Variants in BCL2 observed in about 807,000 individuals in gnomAD.
BCL2 encodes the protein BCL2 apoptosis regulator, also known as apoptosis regulator Bcl-2.
A neutral mutation model predicts 14.2 loss-of-function variants in BCL2; 1 was observed. The ratio of observed to expected loss-of-function variants is 0.07; its 90% CI spans 0.02 to 0.33. The LOEUF is 0.33. Among genes scored for constraint, BCL2 ranks in the 10% least tolerant of loss-of-function variants. BCL2 has a pLI of 0.99. For missense variants in BCL2, 247 were observed against 305.9 expected, an observed-to-expected ratio of 0.81 and a Z score of 1.44; for synonymous variants, 151 against 137.2, an observed-to-expected ratio of 1.10 and a Z score of -0.70.
intron 2 of BCL2, among the ~76,000 whole-genome samples, chr18:63,313,091 T>C (rs933067256): frequency 6.6e-6 from 1 of 152,136 alleles, no homozygotes; most frequent in Non-Finnish European, 1.5e-5. Context: ...CAAAATAACT[T>C]ATAGTTATTT....
intron 2 of BCL2, among the ~76,000 whole-genome samples, chr18:63,227,847 T>C (rs532582255): frequency 4.6e-5 from 7 of 152,306 alleles, no homozygotes; most frequent in Admixed American, 2.0e-4. Context: ...AGCAATACCA[T>C]AGGGAAATGC....
chr18:63,313,081 CA>C (rs1294942828), intron 2 of BCL2, among the ~76,000 whole-genome samples: 1 of 152,178 alleles, frequency 6.6e-6, no homozygotes, highest in Admixed American at 6.5e-5. Flanking sequence ...GAAGTACATG[CA>C]AAATAACTTA....
chr18:63,248,362 A>G, intron 2 of BCL2, among the ~76,000 whole-genome samples: 1 of 152,238 alleles, frequency 6.6e-6, no homozygotes, highest in East Asian at 1.9e-4. Context: ...TTGAGATGCC[A>G]TGTCCTTCAC....
intron 2 of BCL2, among the ~76,000 whole-genome samples, chr18:63,236,420 T>C (rs1286091569): frequency 2.2e-5 from 2 of 91,246 alleles, no homozygotes; most frequent in African/African-American, 6.3e-5. Flanking sequence ...AGTGGGCTCG[T>C]GGTCTATTGT....
intron 2 of BCL2, among the ~76,000 whole-genome samples, chr18:63,244,588 G>A (rs1911103838): frequency 6.6e-6 from 1 of 152,126 alleles, no homozygotes; most frequent in South Asian, 2.1e-4. Flanking sequence ...GTTTCGTTTG[G>A]CAGAGTAAAT....
chr18:63,288,694 C>T (rs1599292311), intron 2 of BCL2, among the ~76,000 whole-genome samples: 2 of 152,210 alleles, frequency 1.3e-5, no homozygotes, highest in East Asian at 3.8e-4. Flanking sequence ...TTGGGATATG[C>T]AACCAATTTT....
chr18:63,184,769 C>G, intron 2 of BCL2, among the ~76,000 whole-genome samples: 1 of 152,198 alleles, frequency 6.6e-6, no homozygotes, highest in East Asian at 1.9e-4. Context: ...CTTGAAGGCG[C>G]CTTGAGGGCC....
rs1023518145 is a variant in BCL2, at chr18:63,174,435, A to G, written c.586-45676T>C. 1.5e-4 allele frequency among the ~76,000 whole-genome samples: 23 copies of G among 152,048 alleles called. 1 individual carries two copies. The highest frequency in any genetic ancestry group is 7.9e-4 in the Admixed American group (12 of 15,276). The stretch of plus-strand genomic sequence containing the variant: ...GATGTATGTGGATGGCTCTCCTGTC[A>G]ATTTACAACCTAGTCTAATGTTAAA... On this transcript the variant is annotated intron_variant, in intron 2 of 2. Coordinates refer to ENST00000333681, the MANE Select transcript of BCL2 (RefSeq NM_000633.3).
chr18:63,158,629 A>G (rs969633063), intron 2 of BCL2, among the ~76,000 whole-genome samples: 25 of 152,216 alleles, frequency 1.6e-4, no homozygotes, highest in African/African-American at 5.8e-4. Context: ...CATCTTCAAT[A>G]AGGTATTGCC....
intron 2 of BCL2, among the ~76,000 whole-genome samples, chr18:63,286,164 C>T (rs1912467657): frequency 6.6e-6 from 1 of 152,208 alleles, no homozygotes; most frequent in South Asian, 2.1e-4. Context: ...AGCTGGCATG[C>T]TACTTGTACA....
At chr18:63,146,702 C>A (rs1046816240) in intron 2 of BCL2, among the ~76,000 whole-genome samples, 1 of 151,924 alleles carries the variant, frequency 6.6e-6, no homozygotes, top group Non-Finnish European at 1.5e-5. Context: ...CCGTTTGAAC[C>A]AGAAACATCA....
intron 2 of BCL2, among the ~76,000 whole-genome samples, chr18:63,192,274 G>A (rs744569): frequency 0.6 from 91,230 of 151,448 alleles, 28,852 homozygotes; most frequent in Non-Finnish European, 0.72. Flanking sequence ...GTAGGCAGAA[G>A]TCACAAGTAG....
At chr18:63,273,310 C>T (rs1001728208) in intron 2 of BCL2, among the ~76,000 whole-genome samples, 2 of 152,168 alleles carry the variant, frequency 1.3e-5, no homozygotes, top group Non-Finnish European at 1.5e-5. Flanking sequence ...TGTCAGCCGA[C>T]GAAGAACTCC....
intron 2 of BCL2, among the ~76,000 whole-genome samples, chr18:63,214,397 C>T (rs1287035945): frequency 2.0e-5 from 3 of 152,302 alleles, no homozygotes; most frequent in African/African-American, 4.8e-5. Flanking sequence ...CCTGACACCA[C>T]GACATACACA....
intron 2 of BCL2, among the ~76,000 whole-genome samples, chr18:63,177,051 G>A (rs927002810): frequency 6.6e-6 from 1 of 151,526 alleles, no homozygotes; most frequent in African/African-American, 2.4e-5. Flanking sequence ...CGAGTAGCTG[G>A]GACCACAGGT....
chr18:63,293,336 G>T (rs761747807), intron 2 of BCL2, among the ~76,000 whole-genome samples: 6 of 152,194 alleles, frequency 3.9e-5, no homozygotes, highest in Non-Finnish European at 7.4e-5. Flanking sequence ...TTTTGGGGCT[G>T]TGAAGGGAGG....
In BCL2 at chr18:63,318,798, G is replaced by C. The variant is rs1391779085; in HGVS notation, c.-132C>G. The C allele has an allele frequency of 6.8e-6, 10 of 1,474,584 alleles. No individual in the cohort carries two copies. In the East Asian group the frequency reaches 2.6e-4, roughly 38 times the overall value. The allele number at this position is 1,474,584 out of a possible 1,614,324, so 91.3% of individuals were successfully genotyped here. A position where few individuals can be genotyped will look rare whatever the true frequency, so the allele number is the denominator to read the frequency against. On this transcript the variant is annotated 5_prime_UTR_variant, in exon 2 of 3. Transcript: ENST00000333681. This position sits in a 1 kb window ranked among gnomAD's most constrained non-coding sequence, Gnocchi z 7.4. ...ATGTGCTTTGCATTCTTGGACGAGGGGGTGTCTTCAATCACGCGGAACACT... is the reference window on the plus strand; with the variant it reads ...ATGTGCTTTGCATTCTTGGACGAGGCGGTGTCTTCAATCACGCGGAACACT...
At chr18:63,211,063 C>CTTTTTTTTTTTTTTTTTTT (rs59302545) in intron 2 of BCL2, among the ~76,000 whole-genome samples, 10 of 59,146 alleles carry the variant, frequency 1.7e-4, no homozygotes, top group Non-Finnish European at 1.7e-4. Context: ...CTTTTCATTT[C>CTTTTTTTTTTTTTTTTTTT]TTTTTTTTTT....
chr18:63,148,486 A>G (rs1410874550), intron 2 of BCL2, among the ~76,000 whole-genome samples: 1 of 152,230 alleles, frequency 6.6e-6, no homozygotes, highest in Non-Finnish European at 1.5e-5. Flanking sequence ...TTGTTATTTT[A>G]AAAATTAGCT....
Sources: allele counts gnomAD v4.1 joint callset (sites outside exome capture counted in the v4.1 genomes callset), GRCh38; gene constraint gnomAD v4.1.1; non-coding constraint Gnocchi (gnomAD v3.1); transcripts MANE v1.5; gene names NCBI Gene and HGNC (gene_info 2026-07-23, HGNC 2026-07-21).